PURG: variants seen among roughly 807,000 people sequenced by gnomAD.
PURG encodes purine rich element binding protein G.
A neutral mutation model predicts 24.3 loss-of-function variants in PURG; 3 were observed. The ratio of observed to expected loss-of-function variants is 0.12; its 90% CI spans 0.06 to 0.32. The LOEUF (loss-of-function observed/expected upper bound fraction) is 0.32. Ranked by LOEUF, PURG falls within the 10% of genes least tolerant of loss-of-function variation. PURG has a pLI of 1.00. For synonymous variants in PURG, 180 were observed against 173.1 expected (o/e 1.04, Z -0.31); for missense variants, 371 against 439.1 (o/e 0.84, Z 1.39).
intron 1 of PURG, among the ~76,000 whole-genome samples, chr8:31,018,554 T>C (rs1810917813): frequency 6.6e-6 from 1 of 152,224 alleles, no homozygotes; most frequent in Non-Finnish European, 1.5e-5. Context: ...AAATCTAAAA[T>C]TTATCTTGTA....
At chr8:31,006,803 A>G (rs1162199806) in intron 1 of PURG, among the ~76,000 whole-genome samples, 1 of 152,210 alleles carries the variant, frequency 6.6e-6, no homozygotes, top group Non-Finnish European at 1.5e-5. Flanking sequence ...GAATAAACGA[A>G]TGTTCTTGTT....
intron 1 of PURG, among the ~76,000 whole-genome samples, chr8:31,020,159 T>C (rs1224680180): frequency 1.3e-5 from 2 of 152,124 alleles, no homozygotes; most frequent in Non-Finnish European, 2.9e-5. Flanking sequence ...AGTTCCTCCA[T>C]TCTATACGTA....
In PURG at chr8:31,031,608, G is replaced by A. The variant is rs1811204734; in HGVS notation, c.*131C>T. 1 of 756,598 alleles carries A rather than the reference G, an allele frequency of 1.3e-6. No homozygotes were observed. Among genetic ancestry groups the A allele is most frequent in the South Asian group, 1.9e-5 (1 of 52,260 alleles). The allele number at this position is 756,598 out of a possible 1,614,324, so 46.9% of individuals were successfully genotyped here. On this transcript the variant is annotated 3_prime_UTR_variant, in exon 2 of 2. Coordinates refer to ENST00000523392, the MANE Select transcript of PURG (RefSeq NM_001323311.2). ...TAACATGAGAATCAGACTTCCTGAA[G>A]TATCAACTACTAGAGGTATTACTAA...
In PURG at chr8:31,031,614, A is replaced by G. The variant is rs779577290; in HGVS notation, c.*125T>C. 2.5e-6 allele frequency: 2 copies of G among 784,416 alleles called. No individual in the cohort carries two copies. The highest frequency in any genetic ancestry group is 4.0e-6 in the Non-Finnish European group (2 of 502,850). The allele number at this position is 784,416 out of a possible 1,614,324, so 48.6% of individuals were successfully genotyped here. The stretch of plus-strand genomic sequence containing the variant: ...GAGAATCAGACTTCCTGAAGTATCA[A>G]CTACTAGAGGTATTACTAATAACAA... On this transcript the variant is annotated 3_prime_UTR_variant, in exon 2 of 2. Transcript: ENST00000523392.
At chr8:31,008,930 T>C (rs908281250) in intron 1 of PURG, among the ~76,000 whole-genome samples, 1 of 152,204 alleles carries the variant, frequency 6.6e-6, no homozygotes, top group Non-Finnish European at 1.5e-5. Flanking sequence ...GAGCTGAAAT[T>C]ACTGCCATTG....
intron 1 of PURG, among the ~76,000 whole-genome samples, chr8:31,010,975 T>C (rs895710255): frequency 6.6e-6 from 1 of 152,220 alleles, no homozygotes; most frequent in African/African-American, 2.4e-5. Flanking sequence ...ATTGTCTTCA[T>C]TGCAATGTCT....
At position 30,996,611 on chromosome 8, in the gene PURG, TG is replaced by T; in HGVS notation, c.950del (p.Thr317LysfsTer9). 1 of 1,609,186 alleles carries T rather than the reference TG, an allele frequency of 6.2e-7. No homozygotes were observed. Among genetic ancestry groups the T allele is most frequent in the Non-Finnish European group, 8.5e-7 (1 of 1,176,062 alleles). ...TTATTCCTTATTCCTCAACTGTTTT[TG>T]TAGTATCATGGGGCTGTTCCTTATG... is the stretch of plus-strand genomic sequence containing the variant. On this transcript the variant is annotated frameshift_variant, in exon 2 of 2. Coordinates refer to the PURG transcript ENST00000339382. LOFTEE classifies it high-confidence loss of function.
chr8:30,997,568 A>C (rs1810452929), intron 1 of PURG, among the ~76,000 whole-genome samples: 1 of 151,736 alleles, frequency 6.6e-6, no homozygotes, highest in African/African-American at 2.4e-5. Context: ...AAAACATTTA[A>C]AATTAGAGAT....
Position 31,033,352 on chromosome 8 carries a change from G to C in PURG, c.-281C>G, listed in dbSNP as rs1187693449. ...CCAGGAGGGGAGGGAAGGGGAGGCG[G>C]GGAGAGCGACGGCGGGGGGCGGGCG... On this transcript the variant is annotated 5_prime_UTR_variant, in exon 1 of 2. Transcript: ENST00000523392. 2 of 156,386 alleles carry C rather than the reference G, an allele frequency of 1.3e-5. No homozygotes were observed. Among genetic ancestry groups the C allele is most frequent in the Non-Finnish European group, 1.4e-5 (1 of 71,298 alleles). The allele number at this position is 156,386 out of a possible 1,614,324, so 9.7% of individuals were successfully genotyped here.
intron 1 of PURG, among the ~76,000 whole-genome samples, chr8:31,018,185 GGAA>G (rs1810911588): frequency 2.0e-5 from 3 of 152,064 alleles, no homozygotes; most frequent in South Asian, 4.2e-4. Flanking sequence ...ACAAAGGATG[GGAA>G]GAAGGATTTC....
chr8:31,032,970 C>A lies in PURG; in HGVS notation c.-7+108G>T. 5.0e-6 allele frequency: 1 copy of A among 200,004 alleles called. No individual in the cohort carries two copies. The highest frequency in any genetic ancestry group is 9.1e-6 in the Non-Finnish European group (1 of 109,964). The allele number at this position is 200,004 out of a possible 1,614,324, so 12.4% of individuals were successfully genotyped here. Reference sequence around the variant, plus strand: ...CCGGTTGGCGGCCGCCGCTCCGGCTCTGCCCGCGCTCCCCGCATCCCTCCG... The same window carrying A: ...CCGGTTGGCGGCCGCCGCTCCGGCTATGCCCGCGCTCCCCGCATCCCTCCG... On this transcript the variant is annotated intron_variant, in intron 1 of 1. Transcript: ENST00000523392. This position sits in a 1 kb window ranked among gnomAD's most constrained non-coding sequence, Gnocchi z 5.9.
In PURG at chr8:31,033,189, TCCCCCGCCGCCGCCGCTCGCACTGC is replaced by T; in HGVS notation, c.-143_-119del. 5.5e-6 allele frequency: 1 copy of T among 183,196 alleles called. No individual in the cohort carries two copies. Among genetic ancestry groups the T allele is most frequent in the Non-Finnish European group, 1.1e-5 (1 of 92,064 alleles). The allele number at this position is 183,196 out of a possible 1,614,324, so 11.3% of individuals were successfully genotyped here. ...GCCGCAGCCGCCGCCCCCCGCCTCC[TCCCCCGCCGCCGCCGCTCGCACTGC>T]CCCCCGCCGGAGCAGCCGGGCAGGG... On this transcript the variant is annotated 5_prime_UTR_variant, in exon 1 of 2. An upstream open reading frame in the 5' UTR loses its in-frame stop. Coordinates refer to ENST00000523392, the MANE Select transcript of PURG (RefSeq NM_001323311.2).
In PURG at chr8:31,000,151, A is replaced by C. The variant is rs145474017; in HGVS notation, c.865-3454T>G. Among the ~76,000 whole-genome samples, 1,312 of 152,234 alleles carry C rather than the reference A, an allele frequency of 8.6e-3. 16 individuals are homozygous for C. The highest frequency in any genetic ancestry group is 0.03 in the African/African-American group (1,243 of 41,560). ...ATTCCTATAAAGTCCAGCAAAAAAT[A>C]TGATGCATGGGTTATTAATTTTCAT... On this transcript the variant is annotated intron_variant, in intron 1 of 1. Transcript: ENST00000339382.
chr8:31,013,473 C>A (rs1314053054), intron 1 of PURG, among the ~76,000 whole-genome samples: 7 of 152,198 alleles, frequency 4.6e-5, no homozygotes, highest in Non-Finnish European at 7.3e-5. Flanking sequence ...CGCGGCGGCT[C>A]ATGCCTGTAA....
intron 1 of PURG, among the ~76,000 whole-genome samples, chr8:31,013,315 T>A (rs1810798214): frequency 6.6e-6 from 1 of 152,272 alleles, no homozygotes; most frequent in South Asian, 2.1e-4. Flanking sequence ...CAAACTAACT[T>A]TAGTCATTAT....
chr8:30,997,931 G>C (rs1235401086), intron 1 of PURG, among the ~76,000 whole-genome samples: 1 of 151,656 alleles, frequency 6.6e-6, no homozygotes. Flanking sequence ...AGGCATGGCT[G>C]ACTTGAGCAA....
In PURG at chr8:31,016,591, A is replaced by C. The variant is rs1364495429; in HGVS notation, c.864+15328T>G. ...AAGTCTACCAAGAACCAAAAAAAAA[A>C]AAAAAAAAAAAAAAAAAAGAAAGAA... is the stretch of plus-strand genomic sequence containing the variant. On this transcript the variant is annotated intron_variant, in intron 1 of 1. Coordinates refer to the PURG transcript ENST00000339382. 4.6e-3 allele frequency among the ~76,000 whole-genome samples: 655 copies of C among 142,348 alleles called. 10 individuals are homozygous for C. Among genetic ancestry groups the C allele is most frequent in the African/African-American group, 0.016 (622 of 39,760 alleles). The allele number at this position is 142,348 out of a possible 152,430, so 93.4% of individuals were successfully genotyped here. A position where few individuals can be genotyped will look rare whatever the true frequency, so the allele number is the denominator to read the frequency against.
exon 2 of PURG, chr8:30,996,532 T>C (rs914340036): frequency 1.5e-6 from 2 of 1,303,092 alleles, no homozygotes; most frequent in African/African-American, 3.0e-5. Flanking sequence ...CATGATGAAC[T>C]TCAGTTCATT....
chr8:31,017,171 T>C (rs1346836359), intron 1 of PURG, among the ~76,000 whole-genome samples: 2 of 152,142 alleles, frequency 1.3e-5, no homozygotes, highest in South Asian at 4.1e-4. Context: ...ATATTTGGCA[T>C]GAACACTGTT....
Sources: gnomAD v4.1 joint callset for allele counts (sites outside exome capture counted in the v4.1 genomes callset) on GRCh38, gnomAD v4.1.1 for gene constraint, Gnocchi (gnomAD v3.1) non-coding constraint, MANE v1.5 for transcripts, NCBI Gene and HGNC (gene_info 2026-07-23, HGNC 2026-07-21) for gene names.